WDR11: variants seen among roughly 807,000 people sequenced by gnomAD.
The protein encoded by WDR11 is WD repeat-containing protein 11.
WDR11 carries 83 observed loss-of-function variants against 151.2 expected under a neutral mutation model. The ratio of observed to expected loss-of-function variants is 0.55; its 90% CI spans 0.46 to 0.66. The LOEUF (loss-of-function observed/expected upper bound fraction) is 0.66, where lower values mean the gene tolerates loss of function less well. Among genes scored for constraint, WDR11 ranks in the 30% least tolerant of loss-of-function variants. WDR11 has a pLI of 0.00. For missense variants in WDR11, 1,301 were observed against 1,480.9 expected, an observed-to-expected ratio of 0.88 and a Z score of 1.99; for synonymous variants, 484 against 533.1, an observed-to-expected ratio of 0.91 and a Z score of 1.27.
chr10:120,874,193 G>GTTT (rs1554854855), intron 11 of WDR11, among the ~76,000 whole-genome samples: 3 of 75,330 alleles, frequency 4.0e-5, no homozygotes, highest in Non-Finnish European at 5.6e-5. Context: ...TTTTTTTTTT[G>GTTT]TTGTTGTTGT....
At chr10:120,886,081 C>A (rs1847206108) in intron 15 of WDR11, 143 bp downstream of exon 15, 3 of 1,012,282 alleles carry the variant, frequency 3.0e-6, no homozygotes, top group Admixed American at 2.2e-5. Flanking sequence ...CAGTACATAC[C>A]CAGATTACTA....
chr10:120,909,270 G>T lies in WDR11; in HGVS notation c.*557G>T, dbSNP rs1045170. ...TTGGTTTAAGCAGTTGCTAAGTTTT[G>T]TAATTTTAGGCTCAGAGGACCATAG... On this transcript the variant is annotated 3_prime_UTR_variant, in exon 29 of 29. Transcript: ENST00000263461. The T allele has an allele frequency of 0.31, 48,195 of 154,886 alleles. 7,777 individuals are homozygous for T. The highest frequency in any genetic ancestry group is 0.41 in the Admixed American group (6,542 of 15,840). The allele number at this position is 154,886 out of a possible 1,614,324, so 9.6% of individuals were successfully genotyped here. A position where few individuals can be genotyped will look rare whatever the true frequency, so the allele number is the denominator to read the frequency against.
At chr10:120,875,822 T>A (rs530778065) in intron 11 of WDR11, among the ~76,000 whole-genome samples, 9 of 151,432 alleles carry the variant, frequency 5.9e-5, no homozygotes, top group Non-Finnish European at 1.0e-4. Context: ...AGTTTTTTTT[T>A]ATGATCTTTC....
At chr10:120,870,378 A>C (rs1381994626) in intron 9 of WDR11, among the ~76,000 whole-genome samples, 1 of 152,112 alleles carries the variant, frequency 6.6e-6, no homozygotes, top group Non-Finnish European at 1.5e-5. Context: ...AGTTAATCCC[A>C]ATATTCTGTA....
rs375696471 is a variant in WDR11 at position 120,866,748 on chromosome 10, C to A, written c.1174C>A (p.Arg392=). The A allele has an allele frequency of 8.8e-5, 142 of 1,613,904 alleles. No individual in the cohort carries two copies. Among genetic ancestry groups the A allele is most frequent in the Non-Finnish European group, 1.1e-4 (127 of 1,180,010 alleles). ...GGAACTCAAGTCTGCAGTTTGTAAT[C>A]GAAATTCACGGAACAGGTAAATGAA... ...IWELKSAVCN[R]NSRNSSSGVS... The change falls in exon 8 of 29, where the codon CGA becomes AGA. Residue 392 remains arginine, a synonymous_variant. Transcript: ENST00000263461.
chr10:120,899,741 C>T, intron 19 of WDR11: 1 of 384,056 alleles, frequency 2.6e-6, no homozygotes, highest in Non-Finnish European at 4.8e-6. Flanking sequence ...CGAGATCGCA[C>T]CACCGCACTC....
At chr10:120,856,660 A>G (rs951542758) in intron 2 of WDR11, among the ~76,000 whole-genome samples, 2 of 150,490 alleles carry the variant, frequency 1.3e-5, no homozygotes, top group African/African-American at 2.4e-5. Context: ...GTTTCTCTGC[A>G]TTATATCTTT....
chr10:120,869,028 A>G (rs1330671624), intron 9 of WDR11, among the ~76,000 whole-genome samples: 2 of 152,080 alleles, frequency 1.3e-5, no homozygotes, highest in African/African-American at 4.8e-5. Flanking sequence ...ACACAAGAAC[A>G]GCACTAATCA....
At chr10:120,901,369 A>G (rs1317831057) in intron 21 of WDR11, among the ~76,000 whole-genome samples, 2 of 152,210 alleles carry the variant, frequency 1.3e-5, no homozygotes, top group Admixed American at 6.5e-5. Context: ...GACTAGATGC[A>G]TAGTGGGAGC....
At chr10:120,858,962 A>C (rs1226545508) in intron 3 of WDR11, among the ~76,000 whole-genome samples, 166 bp downstream of exon 3, 1 of 152,212 alleles carries the variant, frequency 6.6e-6, no homozygotes, top group East Asian at 1.9e-4. Flanking sequence ...TTCTGTCCTT[A>C]CTAATACACT....
intron 19 of WDR11, among the ~76,000 whole-genome samples, chr10:120,893,171 C>T (rs1847485333): frequency 6.9e-6 from 1 of 144,918 alleles, no homozygotes; most frequent in Non-Finnish European, 1.5e-5. Context: ...CCCCTCCCTC[C>T]ACCCCACAAC....
At chr10:120,878,987 A>T (rs1166341798) in intron 12 of WDR11, 1 of 152,438 alleles carries the variant, frequency 6.6e-6, no homozygotes, top group East Asian at 1.9e-4. Flanking sequence ...CAGAATTGAA[A>T]GCCTAAACCC....
chr10:120,904,183 C>T (rs994865967), intron 24 of WDR11, 41 bp downstream of exon 24: 1 of 1,446,562 alleles, frequency 6.9e-7, no homozygotes, highest in African/African-American at 1.4e-5. Flanking sequence ...CATTAAATTG[C>T]TAGTTAATTC....
chr10:120,860,378 T>C (rs1378420430), intron 4 of WDR11, 96 bp downstream of exon 4: 3 of 1,419,304 alleles, frequency 2.1e-6, no homozygotes, highest in Non-Finnish European at 2.9e-6. Context: ...TATACATCTA[T>C]AATGTTAAAA....
chr10:120,882,032 G>C (rs1847025074), intron 13 of WDR11, among the ~76,000 whole-genome samples: 1 of 151,938 alleles, frequency 6.6e-6, no homozygotes, highest in Non-Finnish European at 1.5e-5. Flanking sequence ...TTTATTCCTA[G>C]TTTGCTGAGC....
chr10:120,875,796 C>T (rs1846752005), intron 11 of WDR11, among the ~76,000 whole-genome samples: 1 of 147,924 alleles, frequency 6.8e-6, no homozygotes, highest in South Asian at 2.1e-4. Flanking sequence ...TGAGCCACCA[C>T]CCCCAGCCAG....
chr10:120,897,240 CAGA>C (rs1175488580), intron 19 of WDR11, among the ~76,000 whole-genome samples: 3 of 152,128 alleles, frequency 2.0e-5, no homozygotes, highest in African/African-American at 7.2e-5. Context: ...CTCAGGTGGA[CAGA>C]AGAATGCCAG....
chr10:120,900,988 G>T, intron 20 of WDR11, 48 bp from the exon 21 acceptor site: 1 of 1,313,140 alleles, frequency 7.6e-7, no homozygotes, highest in South Asian at 1.2e-5. Context: ...GAAATACGTG[G>T]TTTTAAGTGA....
At chr10:120,906,699 C>T in intron 27 of WDR11, 77 bp from the exon 28 acceptor site, 1 of 1,612,402 alleles carries the variant, frequency 6.2e-7, no homozygotes, top group Non-Finnish European at 8.5e-7. Flanking sequence ...GTGTAAATGT[C>T]TTTATACCCT....
Sources: allele counts gnomAD v4.1 joint callset (sites outside exome capture counted in the v4.1 genomes callset), GRCh38; gene constraint gnomAD v4.1.1; transcripts MANE v1.5; gene names NCBI Gene and HGNC (gene_info 2026-07-23, HGNC 2026-07-21).